The following PROSER1 variants were observed in gnomAD, a reference collection of about 807,000 sequenced individuals.
The protein encoded by PROSER1 is proline and serine-rich protein 1.
PROSER1 carries 36 observed loss-of-function variants against 71.8 expected under a neutral mutation model. The observed-to-expected ratio is 0.50, with a 90% CI of 0.38 to 0.66. The LOEUF (loss-of-function observed/expected upper bound fraction) is 0.66, where lower values mean the gene tolerates loss of function less well. Among genes scored for constraint, PROSER1 ranks in the 30% least tolerant of loss-of-function variants. The pLI is 0.00. For synonymous variants in PROSER1, 490 were observed against 452.4 expected (o/e 1.08, Z -1.06); for missense variants, 1,107 against 1,135.0 (o/e 0.98, Z 0.35).
Position 39,028,332 on chromosome 13 carries a change from A to T in PROSER1, c.276-12T>A. The T allele has an allele frequency of 6.6e-7, 1 of 1,504,774 alleles. No individual in the cohort carries two copies. The highest frequency in any genetic ancestry group is 9.2e-7 in the Non-Finnish European group (1 of 1,083,840). The allele number at this position is 1,504,774 out of a possible 1,614,324, so 93.2% of individuals were successfully genotyped here. The stretch of plus-strand genomic sequence containing the variant: ...CATCAATAATGTTCCTACCAAGAAA[A>T]CACAATTTAGCTTTTTGTTTAAAAA... On this transcript the variant is annotated splice_polypyrimidine_tract_variant and intron_variant, in intron 4 of 12. Transcript: ENST00000352251.
At position 39,031,186 on chromosome 13, in the gene PROSER1, G is replaced by A. The variant is rs571330465; in HGVS notation, c.180+377C>T. ...ATTCAAGTGGCTACCACAATGGACA[G>A]TGCTGATATAAAAATTTCCATCATC... On this transcript the variant is annotated intron_variant, in intron 3 of 12. Coordinates refer to ENST00000352251, the MANE Select transcript of PROSER1 (RefSeq NM_025138.5). Among the ~76,000 whole-genome samples, 485 of 152,332 alleles carry A rather than the reference G, an allele frequency of 3.2e-3. 2 individuals carry two copies. The highest frequency in any genetic ancestry group is 5.3e-3 in the Non-Finnish European group (360 of 68,024).
At chr13:39,024,234 C>T (rs980753482) in intron 7 of PROSER1, among the ~76,000 whole-genome samples, 3 of 152,060 alleles carry the variant, frequency 2.0e-5, no homozygotes, top group Non-Finnish European at 1.5e-5. Flanking sequence ...GAATGCATCT[C>T]GAGAAAAAAA....
At chr13:39,028,137 A>G in intron 5 of PROSER1, 90 bp downstream of exon 5, 1 of 686,154 alleles carries the variant, frequency 1.5e-6, no homozygotes, top group Non-Finnish European at 2.6e-6. Flanking sequence ...CAAGTTATTC[A>G]CCAAAGTTAG....
At position 39,037,981 on chromosome 13, in the gene PROSER1, C is replaced by G. The variant is rs1222949793; in HGVS notation, c.-739G>C. 6.6e-6 allele frequency: 1 copy of G among 152,640 alleles called. No individual in the cohort carries two copies. The highest frequency in any genetic ancestry group is 2.4e-5 in the African/African-American group (1 of 41,434). The allele number at this position is 152,640 out of a possible 1,614,324, so 9.5% of individuals were successfully genotyped here. A position where few individuals can be genotyped will look rare whatever the true frequency, so the allele number is the denominator to read the frequency against. ...ACGCAGCCCCAACAGCGCCAGACGC[C>G]CTGCCTGGTTACCCCTACAGCCCCC... On this transcript the variant is annotated 5_prime_UTR_variant, in exon 1 of 13. Transcript: ENST00000352251.
chr13:39,029,320 A>T lies in PROSER1; in HGVS notation c.236T>A (p.Phe79Tyr). The stretch of plus-strand genomic sequence containing the variant: ...AAGAGCAACTAGTTTGTCTTTACTG[A>T]AAGTGAAACAGTTGAGTATATTGAC... ...EVVNILNCFT[F>Y]SKDKLVALEL... Residue 79 changes from phenylalanine (F) to tyrosine (Y), a missense_variant, in exon 4 of 13, where the codon TTC (phenylalanine) becomes TAC (tyrosine). Physicochemically the swap from Phe to Tyr is conservative, Grantham distance 22. Coordinates refer to ENST00000352251, the MANE Select transcript of PROSER1 (RefSeq NM_025138.5). 1.3e-6 allele frequency: 2 copies of T among 1,551,524 alleles called. No individual in the cohort carries two copies. The highest frequency in any genetic ancestry group is 1.7e-6 in the Non-Finnish European group (2 of 1,156,538).
At position 39,012,809 on chromosome 13, in the gene PROSER1, CT is replaced by C; in HGVS notation, c.2442del (p.Val815SerfsTer134). 6.2e-7 allele frequency: 1 copy of C among 1,614,164 alleles called. No individual in the cohort carries two copies. The highest frequency in any genetic ancestry group is 8.5e-7 in the Non-Finnish European group (1 of 1,180,036). On this transcript the variant is annotated frameshift_variant, in exon 11 of 13. Coordinates refer to ENST00000352251, the MANE Select transcript of PROSER1 (RefSeq NM_025138.5). LOFTEE classifies it high-confidence loss of function. ...PSFPGLQAPS[T>X]VAAVTPLPVA... The stretch of plus-strand genomic sequence containing the variant: ...ACAGGTAGTGGTGTGACAGCTGCGA[CT>C]GTAGAGGGCGCCTGCAGCCCCGGGA...
At chr13:39,032,153 G>A (rs923926725) in intron 2 of PROSER1, among the ~76,000 whole-genome samples, 6 of 152,156 alleles carry the variant, frequency 3.9e-5, no homozygotes, top group Admixed American at 3.9e-4. Context: ...TTTTAGTGTA[G>A]GTCCACTAAC....
chr13:39,026,325 T>G lies in PROSER1; in HGVS notation c.432A>C (p.Gly144=). ...AMISSCGTIP[G]NPYPKGRPSR... Reference sequence around the variant, plus strand: ...TAGGTCTTCCTTTGGGATATGGATTTCCTGGGATTGTTCCACAAGAAGATA... The same window carrying G: ...TAGGTCTTCCTTTGGGATATGGATTGCCTGGGATTGTTCCACAAGAAGATA... The change falls in exon 6 of 13, where the codon GGA becomes GGC. Residue 144 remains glycine (G), a synonymous_variant. Coordinates refer to ENST00000352251, the MANE Select transcript of PROSER1 (RefSeq NM_025138.5). The G allele has an allele frequency of 1.9e-6, 3 of 1,612,784 alleles. No individual in the cohort carries two copies. Among genetic ancestry groups the G allele is most frequent in the Non-Finnish European group, 1.7e-6 (2 of 1,179,632 alleles).
intron 7 of PROSER1, 28 bp downstream of exon 7, chr13:39,024,445 G>T (rs756455543): frequency 2.0e-6 from 3 of 1,519,838 alleles, no homozygotes; most frequent in Admixed American, 3.6e-5. Context: ...AAGGAGTTTG[G>T]GCTTGTTTCA....
At chr13:39,026,596 T>C in intron 5 of PROSER1, 3 of 456,734 alleles carry the variant, frequency 6.6e-6, no homozygotes, top group South Asian at 9.0e-5. Context: ...GTTAACATAA[T>C]AATGCTGCAA....
chr13:39,015,316 T>C (rs540190546), intron 10 of PROSER1, among the ~76,000 whole-genome samples: 2 of 152,320 alleles, frequency 1.3e-5, no homozygotes, highest in South Asian at 4.1e-4. Flanking sequence ...CCTCTGAATG[T>C]ATTCAATGGC....
chr13:39,009,981 T>C lies in PROSER1; in HGVS notation c.*1384A>G, dbSNP rs1012450626. ...CTGTGTTTAAAGACATAAATCTGTC[T>C]GTTCATATGTTGGTTATGACTTTTA... On this transcript the variant is annotated 3_prime_UTR_variant, in exon 13 of 13. Coordinates refer to ENST00000352251, the MANE Select transcript of PROSER1 (RefSeq NM_025138.5). 3 of 152,686 alleles carry C rather than the reference T, an allele frequency of 2.0e-5. No individual in the cohort carries two copies. Among genetic ancestry groups the C allele is most frequent in the Non-Finnish European group, 4.4e-5 (3 of 68,048 alleles). The allele number at this position is 152,686 out of a possible 1,614,324, so 9.5% of individuals were successfully genotyped here. A position where few individuals can be genotyped will look rare whatever the true frequency, so the allele number is the denominator to read the frequency against.
intron 8 of PROSER1, 150 bp downstream of exon 8, chr13:39,022,902 C>A: frequency 1.7e-6 from 1 of 595,912 alleles, no homozygotes; most frequent in Non-Finnish European, 3.0e-6. Context: ...TAGGCCAGGA[C>A]ACTACTAGCT....
intron 10 of PROSER1, among the ~76,000 whole-genome samples, chr13:39,014,858 C>G (rs1566022825): frequency 6.6e-6 from 1 of 152,190 alleles, no homozygotes; most frequent in Non-Finnish European, 1.5e-5. Flanking sequence ...GTCAGTCCCC[C>G]TCATAGGAGC....
rs748361103 is a variant in PROSER1, at chr13:39,022,349, T to C, written c.707A>G (p.Tyr236Cys). ...ACCTGTTCCTACAGGATTAGGAGTA[T>C]ATGGAGGTGGAGGTGGAGCTATGAC... The part of the protein sequence containing the change: ...ANVIAPPPPP[Y>C]TPNPVGTENE... Residue 236 changes from tyrosine (Y) to cysteine (C), a missense_variant, in exon 9 of 13, where the codon TAT becomes TGT. Tyr to Cys is a radical substitution (Grantham distance 194, BLOSUM62 -2). Transcript: ENST00000352251. 1.9e-6 allele frequency: 3 copies of C among 1,611,308 alleles called. No individual in the cohort carries two copies. The highest frequency in any genetic ancestry group is 1.7e-5 in the Admixed American group (1 of 60,012).
intron 1 of PROSER1, among the ~76,000 whole-genome samples, chr13:39,034,484 G>A: frequency 6.6e-6 from 1 of 152,308 alleles, no homozygotes; most frequent in Non-Finnish European, 1.5e-5. Flanking sequence ...TTCAACATCA[G>A]TATACACAAC....
At chr13:39,034,677 G>C (rs1871012878) in intron 1 of PROSER1, among the ~76,000 whole-genome samples, 1 of 152,104 alleles carries the variant, frequency 6.6e-6, no homozygotes, top group East Asian at 1.9e-4. Flanking sequence ...ATTTCTATAG[G>C]GACATAAGAA....
intron 10 of PROSER1, among the ~76,000 whole-genome samples, chr13:39,016,189 T>A (rs1037531782): frequency 1.3e-5 from 2 of 152,190 alleles, no homozygotes; most frequent in African/African-American, 4.8e-5. Context: ...CCACATACCA[T>A]AATAAACAGC....
rs574378916 is a variant in PROSER1 at position 39,011,767 on chromosome 13, G to A, written c.2713-280C>T. ...ATGTGCTTTAACGGTCAATCATTAA[G>A]CTTGAATTACAGAAGACAAGTTAAC... On this transcript the variant is annotated intron_variant, in intron 12 of 12. Coordinates refer to ENST00000352251, the MANE Select transcript of PROSER1 (RefSeq NM_025138.5). Among the ~76,000 whole-genome samples, 254 of 152,286 alleles carry A rather than the reference G, an allele frequency of 1.7e-3. 1 individual carries two copies. Among genetic ancestry groups the A allele is most frequent in the African/African-American group, 5.8e-3 (241 of 41,556 alleles).
Sources: gnomAD v4.1 joint callset for allele counts (sites outside exome capture counted in the v4.1 genomes callset) on GRCh38, gnomAD v4.1.1 for gene constraint, MANE v1.5 for transcripts, NCBI Gene and HGNC (gene_info 2026-07-23, HGNC 2026-07-21) for gene names.